The following AP1B1 variants were observed in gnomAD, a reference collection of about 807,000 sequenced individuals.
AP1B1 encodes the protein adaptor related protein complex 1 subunit beta 1, also known as AP-1 complex subunit beta-1.
Under a neutral mutation model 104.3 loss-of-function variants are expected in AP1B1, and 36 were observed. The ratio of observed to expected loss-of-function variants is 0.35; its 90% CI spans 0.26 to 0.46. The LOEUF (loss-of-function observed/expected upper bound fraction) is 0.46, where lower values mean the gene tolerates loss of function less well. Ranked by LOEUF, AP1B1 falls within the 20% of genes least tolerant of loss-of-function variation. AP1B1 has a pLI of 1.00. For synonymous variants in AP1B1, 504 were observed against 517.5 expected (o/e 0.97, Z 0.35); for missense variants, 901 against 1,247.9 (o/e 0.72, Z 4.19).
chr22:29,366,124 C>T (rs554119535), intron 2 of AP1B1, among the ~76,000 whole-genome samples: 1 of 152,278 alleles, frequency 6.6e-6, no homozygotes, highest in African/African-American at 2.4e-5. Context: ...GAATAAAGGG[C>T]TGGCCAGAAA....
chr22:29,359,619 G>A, intron 4 of AP1B1: 2 of 548,694 alleles, frequency 3.6e-6, no homozygotes, highest in Non-Finnish European at 6.2e-6. Flanking sequence ...ACCTCACACA[G>A]GATGAGTTAC....
intron 21 of AP1B1, chr22:29,330,035 C>G: frequency 7.1e-7 from 1 of 1,409,060 alleles, no homozygotes; most frequent in Non-Finnish European, 9.2e-7. Context: ...ACTGTCCTCC[C>G]AGCTGGACAT....
chr22:29,330,821 A>T, intron 19 of AP1B1, 112 bp from the exon 20 acceptor site: 1 of 868,274 alleles, frequency 1.2e-6, no homozygotes, highest in Non-Finnish European at 1.8e-6. Context: ...GAAAGCTGAC[A>T]ACAGGCACTA....
At chr22:29,374,842 A>C (rs993270298) in intron 1 of AP1B1, among the ~76,000 whole-genome samples, 1 of 152,204 alleles carries the variant, frequency 6.6e-6, no homozygotes, top group Non-Finnish European at 1.5e-5. Flanking sequence ...AAATACTGTA[A>C]ATGTCCATCC....
chr22:29,331,457 C>T lies in AP1B1; in HGVS notation c.2516G>A (p.Gly839Glu), dbSNP rs2061556199. 1 of 1,614,078 alleles carries T rather than the reference C, an allele frequency of 6.2e-7. No individual in the cohort carries two copies. ...GCTCCCTCATGACTCACCCATCTTC[C>T]CGTCCTCCACAAAGAGGATGTGCAG... ...YPLHILFVED[G>E]KMDRQMFLAT... Residue 839 changes from glycine (G) to glutamate (E), a missense_variant, in exon 19 of 23, where the codon GGG becomes GAG. By Grantham distance (98) the Gly-to-Glu change is moderately conservative. Coordinates refer to ENST00000357586, the MANE Select transcript of AP1B1 (RefSeq NM_001127.4).
chr22:29,376,227 G>A (rs975890760), intron 1 of AP1B1, among the ~76,000 whole-genome samples: 1 of 152,166 alleles, frequency 6.6e-6, no homozygotes, highest in Non-Finnish European at 1.5e-5. Flanking sequence ...TCTCCAAATG[G>A]CCAGCCAATG....
chr22:29,332,208 C>T (rs2061572312), intron 17 of AP1B1: 1 of 316,888 alleles, frequency 3.2e-6, no homozygotes. Flanking sequence ...ACTGGTGGGC[C>T]CAGGTAGGCA....
chr22:29,342,209 T>A, intron 12 of AP1B1, 76 bp downstream of exon 12: 1 of 1,255,598 alleles, frequency 8.0e-7, no homozygotes, highest in Non-Finnish European at 1.1e-6. Context: ...GGCTTCCAGG[T>A]CTAGTTCCTG....
intron 1 of AP1B1, among the ~76,000 whole-genome samples, chr22:29,371,952 T>C (rs957155360): frequency 3.9e-5 from 6 of 152,094 alleles, no homozygotes; most frequent in Non-Finnish European, 5.9e-5. Context: ...CTCAAGGGGA[T>C]GGCATGGTCA....
intron 5 of AP1B1, among the ~76,000 whole-genome samples, chr22:29,356,998 T>A (rs758912573): frequency 6.6e-6 from 1 of 152,040 alleles, no homozygotes; most frequent in Non-Finnish European, 1.5e-5. Context: ...TGGGAGTGGA[T>A]GGGGGCTTGC....
At chr22:29,366,301 A>T (rs1240132799) in intron 2 of AP1B1, among the ~76,000 whole-genome samples, 2 of 152,230 alleles carry the variant, frequency 1.3e-5, no homozygotes, top group African/African-American at 2.4e-5. Context: ...GGAAATGTTT[A>T]TGATATCAAA....
Position 29,328,658 on chromosome 22 carries a change from G to C in AP1B1, c.*163C>G. On this transcript the variant is annotated 3_prime_UTR_variant, in exon 23 of 23. Coordinates refer to ENST00000357586, the MANE Select transcript of AP1B1 (RefSeq NM_001127.4). This position sits in a 1 kb window ranked among gnomAD's most constrained non-coding sequence, Gnocchi z 4.1. ...CGCTCTCACCCCAGGAGGGGGTGGT[G>C]CCCTACCCCAGGGATCGGGTGGGTT... 1.2e-6 allele frequency: 1 copy of C among 837,164 alleles called. No individual in the cohort carries two copies. The highest frequency in any genetic ancestry group is 1.8e-6 in the Non-Finnish European group (1 of 548,506). 51.9% of individuals were successfully genotyped at this position (837,164 alleles called of 1,614,324 possible).
intron 4 of AP1B1, 130 bp from the exon 5 acceptor site, chr22:29,359,101 A>G: frequency 1.1e-6 from 1 of 893,674 alleles, no homozygotes; most frequent in Non-Finnish European, 1.7e-6. Flanking sequence ...GATCTTCACC[A>G]ACTACAGCCA....
At position 29,360,323 on chromosome 22, in the gene AP1B1, C is replaced by T. The variant is rs553125122; in HGVS notation, c.144-364G>A. ...TCAATTTTCTAACTTCCAAGAAAGA[C>T]GCAACAGAAACTCACTTCACAGGGC... On this transcript the variant is annotated intron_variant, in intron 3 of 22. Transcript: ENST00000357586. Among the ~76,000 whole-genome samples the T allele has an allele frequency of 9.9e-5, 15 of 152,256 alleles. 1 individual carries two copies. Among genetic ancestry groups the T allele is most frequent in the African/African-American group, 3.1e-4 (13 of 41,548 alleles).
At chr22:29,351,573 T>C in intron 8 of AP1B1, 132 bp downstream of exon 8, 2 of 1,243,764 alleles carry the variant, frequency 1.6e-6, no homozygotes, top group South Asian at 3.1e-5. Context: ...AAGCCCCATG[T>C]CCCATGCTAA....
chr22:29,360,056 G>A, intron 3 of AP1B1, 97 bp from the exon 4 acceptor site: 2 of 1,334,130 alleles, frequency 1.5e-6, no homozygotes, highest in Admixed American at 4.2e-5. Flanking sequence ...CAGTGGGTAG[G>A]AGAGAAAGGA....
intron 11 of AP1B1, among the ~76,000 whole-genome samples, chr22:29,343,257 G>C (rs532637101): frequency 6.6e-6 from 1 of 152,372 alleles, no homozygotes; most frequent in Non-Finnish European, 1.5e-5. Flanking sequence ...CAGGGGCAGT[G>C]GGAGCCCATA....
intron 8 of AP1B1, chr22:29,351,485 C>T (rs2061873764): frequency 7.2e-6 from 6 of 832,204 alleles, no homozygotes; most frequent in Non-Finnish European, 1.1e-5. Context: ...TCCAACACCA[C>T]GTTGTAAGGG....
intron 10 of AP1B1, among the ~76,000 whole-genome samples, 196 bp downstream of exon 10, chr22:29,349,839 A>C (rs2061846542): frequency 6.6e-6 from 1 of 152,172 alleles, no homozygotes; most frequent in Admixed American, 6.5e-5. Context: ...TTCATCTGTC[A>C]CACGTTAGCC....
Sources: allele counts gnomAD v4.1 joint callset (sites outside exome capture counted in the v4.1 genomes callset), GRCh38; gene constraint gnomAD v4.1.1; non-coding constraint Gnocchi (gnomAD v3.1); transcripts MANE v1.5; gene names NCBI Gene and HGNC (gene_info 2026-07-23, HGNC 2026-07-21).